CDC42: variants seen among roughly 807,000 people sequenced by gnomAD.
CDC42 encodes cell division cycle 42.
A neutral mutation model predicts 20.8 loss-of-function variants in CDC42; 1 was observed. The observed-to-expected ratio is 0.05, with a 90% CI of 0.02 to 0.23. The LOEUF (loss-of-function observed/expected upper bound fraction) is 0.23, where lower values mean the gene tolerates loss of function less well. CDC42 is among the 10% of genes least tolerant of loss of function. The probability of loss-of-function intolerance (pLI) is 1.00; values close to 1 mark genes in which losing one functional copy is unlikely to be tolerated. For synonymous variants in CDC42, 72 were observed against 84.8 expected, an observed-to-expected ratio of 0.85 and a Z score of 0.83; for missense variants, 49 against 227.9, an observed-to-expected ratio of 0.21 and a Z score of 5.05.
Position 22,096,028 on chromosome 1 carries a change from C to T in CDC42, c.*4511C>T, listed in dbSNP as rs1307856957. On this transcript the variant is annotated 3_prime_UTR_variant, in exon 6 of 6. Transcript: ENST00000656825. ...GGGCTGGAGTGCAGTGGTGGCATCT[C>T]CGCTCACTGCAACCTCCACCTCCCA... 6.6e-6 allele frequency among the ~76,000 whole-genome samples: 1 copy of T among 152,056 alleles called. No homozygotes were observed. The highest frequency in any genetic ancestry group is 2.1e-4 in the South Asian group (1 of 4,824).
chr1:22,074,829 G>A (rs1477596759), intron 1 of CDC42, among the ~76,000 whole-genome samples: 1 of 152,188 alleles, frequency 6.6e-6, no homozygotes, highest in African/African-American at 2.4e-5. Context: ...GAGCAGAAGA[G>A]GTTGGCTTAA....
At chr1:22,064,500 A>G (rs1183529648) in intron 1 of CDC42, among the ~76,000 whole-genome samples, 1 of 151,982 alleles carries the variant, frequency 6.6e-6, no homozygotes, top group Non-Finnish European at 1.5e-5. Context: ...CATGTTGGCC[A>G]GGTTGGTGTG....
At chr1:22,061,504 GTCAA>G (rs1293490016) in intron 1 of CDC42, among the ~76,000 whole-genome samples, 1 of 146,602 alleles carries the variant, frequency 6.8e-6, no homozygotes, top group East Asian at 2.0e-4. Flanking sequence ...AAGTTAGACG[GTCAA>G]TCAGTTTAAC....
At chr1:22,062,730 TAAAAAAAAAAAAAAAAAAAAA>T (rs531472151) in intron 1 of CDC42, among the ~76,000 whole-genome samples, 2 of 69,402 alleles carry the variant, frequency 2.9e-5, no homozygotes, top group African/African-American at 1.2e-4. Context: ...TGGCTCTATT[TAAAAAAAAAAAAAAAAAAAAA>T]AAAAAAAAAA....
At chr1:22,084,335 G>GTT (rs61584354) in intron 3 of CDC42, among the ~76,000 whole-genome samples, 23,465 of 79,088 alleles carry the variant, frequency 0.3, 3,754 homozygotes, top group Non-Finnish European at 0.34. Context: ...CTTATTTCCT[G>GTT]TTTTTTTTTT....
At chr1:22,070,269 T>G (rs892592923) in intron 1 of CDC42, among the ~76,000 whole-genome samples, 3 of 152,122 alleles carry the variant, frequency 2.0e-5, no homozygotes, top group Non-Finnish European at 4.4e-5. Flanking sequence ...CTGTAATAAA[T>G]AAATCAGTGT....
In CDC42 at chr1:22,097,825, T is replaced by C. The variant is rs1030484090; in HGVS notation, c.*6308T>C. Among the ~76,000 whole-genome samples the C allele has an allele frequency of 1.3e-5, 2 of 152,210 alleles. No homozygotes were observed. On this transcript the variant is annotated 3_prime_UTR_variant, in exon 6 of 6. Transcript: ENST00000656825. ...GGTTTAAAAGCACATTGCTGATTAGTGGGGTCAGGATGGGAGGAGAGCCCT... is the reference window on the plus strand; with the variant it reads ...GGTTTAAAAGCACATTGCTGATTAGCGGGGTCAGGATGGGAGGAGAGCCCT...
rs1024074180 is a variant in CDC42, at chr1:22,092,751, T to C, written c.*1234T>C. The C allele has an allele frequency of 2.0e-5, 3 of 152,672 alleles. No homozygotes were observed. In the South Asian group the frequency reaches 6.2e-4, roughly 32 times the overall value. The allele number at this position is 152,672 out of a possible 1,614,324, so 9.5% of individuals were successfully genotyped here. A position where few individuals can be genotyped will look rare whatever the true frequency, so the allele number is the denominator to read the frequency against. ...GAAAGACTCTTAATGCAGACTCTTCTTAAGTGTTAATAGGGATTTTTTCAG... is the reference window on the plus strand; with the variant it reads ...GAAAGACTCTTAATGCAGACTCTTCCTAAGTGTTAATAGGGATTTTTTCAG... On this transcript the variant is annotated 3_prime_UTR_variant, in exon 6 of 6. Transcript: ENST00000656825.
At chr1:22,074,171 A>C (rs1027405079) in intron 1 of CDC42, 1 of 151,766 alleles carries the variant, frequency 6.6e-6, no homozygotes, top group South Asian at 2.1e-4. Context: ...CTGCCCCCCG[A>C]GTTCAAGCGA....
Position 22,092,976 on chromosome 1 carries a change from G to C in CDC42, c.*1459G>C, listed in dbSNP as rs778137050. ...GCCTGAGGGTTGTTATTTTCCCTCCGTCTCTTACTTTTCAGATATTGAGGA... is the reference window on the plus strand; with the variant it reads ...GCCTGAGGGTTGTTATTTTCCCTCCCTCTCTTACTTTTCAGATATTGAGGA... On this transcript the variant is annotated 3_prime_UTR_variant, in exon 6 of 6. Transcript: ENST00000656825. 3 of 152,444 alleles carry C rather than the reference G, an allele frequency of 2.0e-5. No individual in the cohort carries two copies. Among genetic ancestry groups the C allele is most frequent in the South Asian group, 2.1e-4 (1 of 4,828 alleles). 9.4% of individuals were successfully genotyped at this position (152,444 alleles called of 1,614,324 possible).
rs1229727586 is a variant in CDC42, at chr1:22,094,243, T to G, written c.*2726T>G. Among the ~76,000 whole-genome samples the G allele has an allele frequency of 1.3e-5, 2 of 150,906 alleles. No individual in the cohort carries two copies. Among genetic ancestry groups the G allele is most frequent in the African/African-American group, 2.4e-5 (1 of 40,966 alleles). On this transcript the variant is annotated 3_prime_UTR_variant, in exon 6 of 6. Coordinates refer to ENST00000656825, the MANE Select transcript of CDC42 (RefSeq NM_001791.4). Reference sequence around the variant, plus strand: ...AGAATTTATAGTATTTAATACGATGTTAATATATTATTGCTATTTATAAGT... The same window carrying G: ...AGAATTTATAGTATTTAATACGATGGTAATATATTATTGCTATTTATAAGT...
In CDC42 at chr1:22,092,330, C is replaced by A. The variant is rs1645726821; in HGVS notation, c.*813C>A. 6.6e-6 allele frequency: 1 copy of A among 152,532 alleles called. No individual in the cohort carries two copies. The highest frequency in any genetic ancestry group is 2.4e-5 in the African/African-American group (1 of 41,412). 9.4% of individuals were successfully genotyped at this position (152,532 alleles called of 1,614,324 possible). On this transcript the variant is annotated 3_prime_UTR_variant, in exon 6 of 6. Transcript: ENST00000656825. ...TGGGAAGTTAATTTCTAACTTCTTT[C>A]ACTGATAAATGAAGAAAAGTATTGC...
At chr1:22,067,505 C>T (rs574943626) in intron 1 of CDC42, among the ~76,000 whole-genome samples, 8 of 152,146 alleles carry the variant, frequency 5.3e-5, no homozygotes, top group African/African-American at 1.4e-4. Flanking sequence ...CATGCGCCAC[C>T]GGCTAATTTT....
At chr1:22,085,315 T>C (rs563562654) in intron 3 of CDC42, among the ~76,000 whole-genome samples, 3 of 152,232 alleles carry the variant, frequency 2.0e-5, no homozygotes, top group East Asian at 1.9e-4. Flanking sequence ...CATTGTCTTA[T>C]ATATCTCCCT....
At chr1:22,078,390 G>A in intron 1 of CDC42, 39 bp from the exon 2 acceptor site, 1 of 980,870 alleles carries the variant, frequency 1.0e-6, no homozygotes, top group East Asian at 2.6e-5. Flanking sequence ...AAATCCATAT[G>A]TAAGTATAAA....
rs1645769020 is a variant in CDC42 at position 22,098,112 on chromosome 1, C to G, written c.*6595C>G. Among the ~76,000 whole-genome samples the G allele has an allele frequency of 6.6e-6, 1 of 152,192 alleles. No homozygotes were observed. The highest frequency in any genetic ancestry group is 1.5e-5 in the Non-Finnish European group (1 of 68,028). The stretch of plus-strand genomic sequence containing the variant: ...TCTCAGTCATCAGGATTCCTGGACC[C>G]TGTAGGATTTACTCTCAATCTTTAG... On this transcript the variant is annotated 3_prime_UTR_variant, in exon 6 of 6. Coordinates refer to ENST00000656825, the MANE Select transcript of CDC42 (RefSeq NM_001791.4).
chr1:22,084,671 A>T (rs1645643760), intron 3 of CDC42, among the ~76,000 whole-genome samples: 3 of 152,094 alleles, frequency 2.0e-5, no homozygotes. Context: ...TCACAGCTTC[A>T]TGAAGTTTGT....
chr1:22,062,379 C>T (rs17837951), intron 1 of CDC42, among the ~76,000 whole-genome samples: 23,570 of 152,188 alleles, frequency 0.15, 2,678 homozygotes, highest in East Asian at 0.51. Flanking sequence ...CACCTCATAA[C>T]TTTTAAAAGA....
chr1:22,055,867 G>GT (rs35437576), intron 1 of CDC42, among the ~76,000 whole-genome samples: 101,826 of 126,602 alleles, frequency 0.8, 41,692 homozygotes, highest in East Asian at 0.91. Context: ...TTGTTTTAGA[G>GT]TTTTTTTTTT....
Sources: gnomAD v4.1 joint callset for allele counts (sites outside exome capture counted in the v4.1 genomes callset) on GRCh38, gnomAD v4.1.1 for gene constraint, MANE v1.5 for transcripts, NCBI Gene and HGNC (gene_info 2026-07-23, HGNC 2026-07-21) for gene names.